TBX15: variants seen among roughly 807,000 people sequenced by gnomAD.
TBX15 encodes the protein T-box transcription factor TBX15.
In TBX15, 18 loss-of-function variants were observed where a neutral mutation model predicts 53.9. That is an observed-to-expected ratio of 0.33 (90% CI 0.23 to 0.49). The LOEUF is 0.49. Ranked by LOEUF, TBX15 falls within the 20% of genes least tolerant of loss-of-function variation. The pLI, the probability that TBX15 is intolerant of heterozygous loss-of-function variation, is 0.98. For missense variants in TBX15, 692 were observed against 749.5 expected, an observed-to-expected ratio of 0.92 and a Z score of 0.90; for synonymous variants, 295 against 278.0, an observed-to-expected ratio of 1.06 and a Z score of -0.61.
intron 6 of TBX15, among the ~76,000 whole-genome samples, chr1:118,910,678 G>A (rs911240007): frequency 6.6e-6 from 1 of 152,174 alleles, no homozygotes; most frequent in Non-Finnish European, 1.5e-5. Flanking sequence ...AAAAATACAA[G>A]GGTCCCCTTA....
At chr1:118,960,944 G>A (rs1389031091) in intron 1 of TBX15, among the ~76,000 whole-genome samples, 2 of 152,154 alleles carry the variant, frequency 1.3e-5, no homozygotes, top group Non-Finnish European at 1.5e-5. Flanking sequence ...TGCTGTCATC[G>A]ACACTGGGCG....
intron 6 of TBX15, among the ~76,000 whole-genome samples, chr1:118,913,699 T>C (rs1038019611): frequency 3.3e-5 from 5 of 152,320 alleles, no homozygotes; most frequent in Middle Eastern, 3.4e-3. Context: ...CACACTGTTT[T>C]AGCTCTTAAG....
chr1:118,928,130 C>G (rs935155491), intron 2 of TBX15, among the ~76,000 whole-genome samples: 4 of 152,182 alleles, frequency 2.6e-5, no homozygotes, highest in African/African-American at 9.6e-5. Context: ...ACACTCACTA[C>G]TCATCCAGGA....
chr1:118,954,271 T>C (rs1383919386), intron 1 of TBX15, among the ~76,000 whole-genome samples: 1 of 152,220 alleles, frequency 6.6e-6, no homozygotes, highest in Non-Finnish European at 1.5e-5. Context: ...ATCACAGCCC[T>C]GGACCAGAGG....
At chr1:118,898,966 G>C in intron 7 of TBX15, 62 bp downstream of exon 7, 1 of 1,540,500 alleles carries the variant, frequency 6.5e-7, no homozygotes, top group Non-Finnish European at 9.0e-7. Context: ...GCTATATTCG[G>C]TTGAGCTCCC....
intron 1 of TBX15, among the ~76,000 whole-genome samples, chr1:118,963,745 A>G (rs1313803291): frequency 6.6e-6 from 1 of 152,250 alleles, no homozygotes. Context: ...TCTTCTTCTC[A>G]GTATTTGTAC....
In TBX15 at chr1:118,979,971, C is replaced by CGGGCCGAG. The variant is rs1553228471; in HGVS notation, c.205+7612_205+7619dup. Among the ~76,000 whole-genome samples, 138 of 152,286 alleles carry CGGGCCGAG rather than the reference C, an allele frequency of 9.1e-4. 1 individual carries two copies. Among genetic ancestry groups the CGGGCCGAG allele is most frequent in the African/African-American group, 2.5e-3 (104 of 41,560 alleles). ...TCCGGCCCCGCGGCGCCTCCAAGGC[C>CGGGCCGAG]GGGCCGAGGGGCCGAGGGGCCGAGG... On this transcript the variant is annotated intron_variant, in intron 1 of 7. Transcript: ENST00000369429.
intron 7 of TBX15, chr1:118,891,032 A>T (rs1462033714): frequency 2.1e-6 from 2 of 973,156 alleles, no homozygotes; most frequent in Admixed American, 3.0e-5. Flanking sequence ...AAACCCAGAG[A>T]TCGTAAAGTT....
At chr1:118,936,532 T>TA (rs1655972465) in intron 1 of TBX15, among the ~76,000 whole-genome samples, 1 of 152,056 alleles carries the variant, frequency 6.6e-6, no homozygotes, top group African/African-American at 2.4e-5. Context: ...GGGGTGGGGG[T>TA]ATAAGATATC....
chr1:118,938,025 TAG>T (rs2101627515), intron 1 of TBX15, among the ~76,000 whole-genome samples: 1 of 152,242 alleles, frequency 6.6e-6, no homozygotes, highest in Non-Finnish European at 1.5e-5. Context: ...TCGAGTATCT[TAG>T]AGAATGCTGG....
At chr1:118,988,711 A>C (rs1008001472), upstream of TBX15, among the ~76,000 whole-genome samples, 2 of 152,210 alleles carry the variant, frequency 1.3e-5, no homozygotes, top group Non-Finnish European at 2.9e-5. Context: ...ACAAAATGTT[A>C]ACCTGTCCAA....
At chr1:118,971,486 G>A (rs1314145003) in intron 1 of TBX15, among the ~76,000 whole-genome samples, 3 of 152,178 alleles carry the variant, frequency 2.0e-5, no homozygotes, top group East Asian at 3.8e-4. Context: ...AGTGCCAACA[G>A]GAATTCAAAG....
At chr1:118,985,056 C>T (rs913617618) in intron 1 of TBX15, among the ~76,000 whole-genome samples, 1 of 152,118 alleles carries the variant, frequency 6.6e-6, no homozygotes, top group Non-Finnish European at 1.5e-5. Context: ...AAAAACGGTG[C>T]TATGAGAGAT....
At chr1:118,908,638 T>C (rs1243483338) in intron 6 of TBX15, among the ~76,000 whole-genome samples, 1 of 152,048 alleles carries the variant, frequency 6.6e-6, no homozygotes, top group African/African-American at 2.4e-5. Context: ...TCCCTCCTAT[T>C]GCAGAGACAA....
rs1309278155 is a variant in TBX15 at position 118,884,634 on chromosome 1, C to G, written c.*98G>C. 4 of 1,304,730 alleles carry G rather than the reference C, an allele frequency of 3.1e-6. No homozygotes were observed. Among genetic ancestry groups the G allele is most frequent in the Non-Finnish European group, 4.3e-6 (4 of 933,348 alleles). 80.8% of individuals were successfully genotyped at this position (1,304,730 alleles called of 1,614,324 possible). ...AAAAAAAAAAAAAAAAACACGGTTC[C>G]TGTTTTTCAAAGACACTGGACTCCC... On this transcript the variant is annotated 3_prime_UTR_variant, in exon 8 of 8. Coordinates refer to ENST00000369429, the MANE Select transcript of TBX15 (RefSeq NM_001330677.2).
intron 1 of TBX15, among the ~76,000 whole-genome samples, chr1:118,956,160 C>A (rs1407981278): frequency 1.3e-5 from 2 of 152,164 alleles, no homozygotes; most frequent in Non-Finnish European, 2.9e-5. Flanking sequence ...GACTTCCCAG[C>A]CTTCAGAACT....
chr1:118,977,532 C>G (rs1401082900), intron 1 of TBX15, among the ~76,000 whole-genome samples: 2 of 152,028 alleles, frequency 1.3e-5, no homozygotes, highest in Non-Finnish European at 2.9e-5. Flanking sequence ...AGTAAATCCA[C>G]AGGTTCCATG....
At chr1:118,895,165 A>T (rs1654378161) in intron 7 of TBX15, among the ~76,000 whole-genome samples, 1 of 152,198 alleles carries the variant, frequency 6.6e-6, no homozygotes, top group Non-Finnish European at 1.5e-5. Context: ...AAATTCAATC[A>T]TCAACAGAGA....
intron 5 of TBX15, 89 bp downstream of exon 5, chr1:118,923,347 T>C: frequency 6.5e-7 from 1 of 1,531,500 alleles, no homozygotes; most frequent in Non-Finnish European, 9.0e-7. Context: ...TATGTCAAAT[T>C]CCCCTGAAAG....
Sources: gnomAD v4.1 joint callset for allele counts (sites outside exome capture counted in the v4.1 genomes callset) on GRCh38, gnomAD v4.1.1 for gene constraint, MANE v1.5 for transcripts, NCBI Gene and HGNC (gene_info 2026-07-23, HGNC 2026-07-21) for gene names.